The following GRM3 variants were observed in gnomAD, a reference collection of about 807,000 sequenced individuals.
GRM3 encodes metabotropic glutamate receptor 3.
Under a neutral mutation model 70.5 loss-of-function variants are expected in GRM3, and 26 were observed. The ratio of observed to expected loss-of-function variants is 0.37; its 90% CI spans 0.27 to 0.51. The LOEUF is 0.51. Among genes scored for constraint, GRM3 ranks in the 20% least tolerant of loss-of-function variants. The pLI is 0.93. For synonymous variants in GRM3, 443 were observed against 434.9 expected (o/e 1.02, Z -0.23); for missense variants, 859 against 1,123.8 (o/e 0.76, Z 3.37).
At chr7:86,673,830 C>A (rs1278537006) in intron 1 of GRM3, among the ~76,000 whole-genome samples, 1 of 152,224 alleles carries the variant, frequency 6.6e-6, no homozygotes, top group East Asian at 1.9e-4. Flanking sequence ...AACATTGACT[C>A]CTTCTTCTAT....
At chr7:86,848,353 C>T (rs182885440) in intron 4 of GRM3, among the ~76,000 whole-genome samples, 20 of 152,178 alleles carry the variant, frequency 1.3e-4, no homozygotes, top group East Asian at 3.9e-4. Flanking sequence ...TCCCTCTCAG[C>T]GCTGATTAAA....
chr7:86,699,420 T>C (rs1794900902), intron 1 of GRM3, among the ~76,000 whole-genome samples: 1 of 152,068 alleles, frequency 6.6e-6, no homozygotes, highest in South Asian at 2.1e-4. Flanking sequence ...TGGCTATTCC[T>C]AAAACATCAC....
intron 3 of GRM3, among the ~76,000 whole-genome samples, chr7:86,832,465 G>T (rs149097071): frequency 6.6e-6 from 1 of 151,934 alleles, no homozygotes; most frequent in South Asian, 2.1e-4. Flanking sequence ...TGTCCAGGCT[G>T]GTCTTGAACT....
At chr7:86,745,180 G>C (rs1796074192) in intron 1 of GRM3, among the ~76,000 whole-genome samples, 1 of 152,116 alleles carries the variant, frequency 6.6e-6, no homozygotes, top group South Asian at 2.1e-4. Flanking sequence ...TTTGGCCACA[G>C]CAGAGGGGCA....
At chr7:86,822,215 G>A (rs550722714) in intron 3 of GRM3, among the ~76,000 whole-genome samples, 1 of 151,990 alleles carries the variant, frequency 6.6e-6, no homozygotes, top group Admixed American at 6.6e-5. Flanking sequence ...ACAATTCTCA[G>A]GATGAATTTC....
At chr7:86,734,898 A>T (rs1401994772) in intron 1 of GRM3, among the ~76,000 whole-genome samples, 1 of 152,034 alleles carries the variant, frequency 6.6e-6, no homozygotes, top group Admixed American at 6.6e-5. Flanking sequence ...ATTTTTTTCT[A>T]CTACACTTGA....
chr7:86,766,894 A>G (rs1796613111), intron 2 of GRM3, among the ~76,000 whole-genome samples: 1 of 152,056 alleles, frequency 6.6e-6, no homozygotes, highest in African/African-American at 2.4e-5. Flanking sequence ...TTCTTTCTCT[A>G]TCTCACATTT....
At chr7:86,856,919 A>G (rs1167426774) in intron 5 of GRM3, among the ~76,000 whole-genome samples, 1 of 152,112 alleles carries the variant, frequency 6.6e-6, no homozygotes, top group Non-Finnish European at 1.5e-5. Flanking sequence ...ACTTTGGAAC[A>G]TTTATTCTAA....
At chr7:86,838,301 T>G (rs969922800) in intron 3 of GRM3, among the ~76,000 whole-genome samples, 1 of 152,178 alleles carries the variant, frequency 6.6e-6, no homozygotes, top group East Asian at 1.9e-4. Flanking sequence ...TAGTTTAATT[T>G]TTTTCTTTCT....
chr7:86,661,205 G>C (rs377654347), intron 1 of GRM3, among the ~76,000 whole-genome samples: 2 of 151,946 alleles, frequency 1.3e-5, no homozygotes, highest in East Asian at 3.8e-4. Flanking sequence ...TATTCTCTTA[G>C]TAACTAGATT....
At chr7:86,751,976 T>C (rs999377792) in intron 1 of GRM3, among the ~76,000 whole-genome samples, 6 of 152,248 alleles carry the variant, frequency 3.9e-5, no homozygotes, top group South Asian at 4.1e-4. Context: ...CTAGCCATTC[T>C]TTTTCACTTC....
At chr7:86,851,408 T>C (rs922461449) in intron 5 of GRM3, among the ~76,000 whole-genome samples, 4 of 152,094 alleles carry the variant, frequency 2.6e-5, no homozygotes, top group African/African-American at 9.7e-5. Context: ...CTGAAGGGGA[T>C]AACCTTTTAA....
chr7:86,862,188 G>T (rs1457192280), intron 5 of GRM3, among the ~76,000 whole-genome samples: 1 of 152,094 alleles, frequency 6.6e-6, no homozygotes, highest in African/African-American at 2.4e-5. Flanking sequence ...GCTTTTAAAC[G>T]TACACACAAA....
chr7:86,791,985 T>G (rs1382512209), intron 3 of GRM3, among the ~76,000 whole-genome samples: 5 of 152,200 alleles, frequency 3.3e-5, no homozygotes, highest in Non-Finnish European at 5.9e-5. Flanking sequence ...GAGAATTATG[T>G]TTGGTGTCAT....
intron 3 of GRM3, 122 bp downstream of exon 3, chr7:86,787,238 T>C: frequency 3.8e-6 from 3 of 797,598 alleles, no homozygotes; most frequent in Non-Finnish European, 6.0e-6. Flanking sequence ...GTTCAAACTG[T>C]TAACCAAATA....
chr7:86,855,189 C>A (rs532402073), intron 5 of GRM3, among the ~76,000 whole-genome samples: 1 of 152,208 alleles, frequency 6.6e-6, no homozygotes, highest in African/African-American at 2.4e-5. Flanking sequence ...TAAGGACAGG[C>A]AATCAATAAC....
chr7:86,817,429 A>T (rs1290347437), intron 3 of GRM3, among the ~76,000 whole-genome samples: 1 of 151,962 alleles, frequency 6.6e-6, no homozygotes, highest in Non-Finnish European at 1.5e-5. Context: ...CTTATTTATG[A>T]ATATAAAATT....
chr7:86,754,285 GTC>G (rs1796295429), intron 1 of GRM3, among the ~76,000 whole-genome samples: 1 of 152,076 alleles, frequency 6.6e-6, no homozygotes, highest in South Asian at 2.1e-4. Flanking sequence ...GATTAAAAAT[GTC>G]TCTCTCTTTA....
intron 3 of GRM3, among the ~76,000 whole-genome samples, chr7:86,793,592 A>T (rs888196558): frequency 3.9e-5 from 6 of 152,218 alleles, no homozygotes; most frequent in African/African-American, 1.4e-4. Flanking sequence ...TCCTGGGGTC[A>T]TAAGAATAAG....
Sources: gnomAD v4.1 joint callset for allele counts (sites outside exome capture counted in the v4.1 genomes callset) on GRCh38, gnomAD v4.1.1 for gene constraint, MANE v1.5 for transcripts, NCBI Gene and HGNC (gene_info 2026-07-23, HGNC 2026-07-21) for gene names.